The following IPO11 variants were observed in gnomAD, a reference collection of about 807,000 sequenced individuals.
The protein encoded by IPO11 is importin 11.
A neutral mutation model predicts 143.2 loss-of-function variants in IPO11; 66 were observed. The ratio of observed to expected loss-of-function variants is 0.46; its 90% CI spans 0.38 to 0.57. The LOEUF is 0.57. IPO11 is among the 20% of genes least tolerant of loss of function. IPO11 has a pLI of 0.00. For synonymous variants in IPO11, 385 were observed against 377.8 expected (o/e 1.02, Z -0.22); for missense variants, 1,026 against 1,141.0 (o/e 0.90, Z 1.45).
intron 1 of IPO11, among the ~76,000 whole-genome samples, chr5:62,418,293 G>A (rs1191530892): frequency 6.6e-6 from 1 of 152,042 alleles, no homozygotes; most frequent in Non-Finnish European, 1.5e-5. Context: ...AGCCTCCTGA[G>A]TAGCTGGGAT....
At chr5:62,580,979 C>T in intron 27 of IPO11, 3 of 1,551,144 alleles carry the variant, frequency 1.9e-6, no homozygotes, top group Non-Finnish European at 2.6e-6. Context: ...GGGAAAACAT[C>T]TCTAATTTGT....
chr5:62,536,445 T>TCA (rs1386698992), intron 22 of IPO11, among the ~76,000 whole-genome samples: 1,747 of 48,120 alleles, frequency 0.036, 27 homozygotes, highest in Admixed American at 0.092. Flanking sequence ...ATTCATTCAT[T>TCA]TATTCATTCA....
chr5:62,587,523 A>C (rs913298381), intron 27 of IPO11, among the ~76,000 whole-genome samples: 6 of 152,112 alleles, frequency 3.9e-5, no homozygotes, highest in Admixed American at 3.3e-4. Flanking sequence ...TTACATTTTT[A>C]AGTGAATAAG....
chr5:62,535,222 A>G (rs1207926064), intron 22 of IPO11, among the ~76,000 whole-genome samples: 2 of 151,876 alleles, frequency 1.3e-5, no homozygotes, highest in South Asian at 2.1e-4. Flanking sequence ...GTCTTCTTAA[A>G]TGTTGGTTTT....
chr5:62,532,834 A>T (rs1224474739), intron 22 of IPO11, among the ~76,000 whole-genome samples: 2 of 152,228 alleles, frequency 1.3e-5, no homozygotes, highest in African/African-American at 4.8e-5. Flanking sequence ...TTTAAAAATT[A>T]TCCTACCATT....
intron 20 of IPO11, among the ~76,000 whole-genome samples, chr5:62,521,883 A>G (rs1027666430): frequency 1.3e-5 from 2 of 151,896 alleles, no homozygotes; most frequent in Non-Finnish European, 2.9e-5. Context: ...TCTTTTGTAC[A>G]ACATTTTGTT....
At chr5:62,417,321 ATTTTTTTTTTTTT>A (rs34767317) in intron 1 of IPO11, among the ~76,000 whole-genome samples, 1 of 65,354 alleles carries the variant, frequency 1.5e-5, no homozygotes, top group Middle Eastern at 0.012. Context: ...TTATTGGTTA[ATTTTTTTTTTTTT>A]TTTTTTTTTT....
chr5:62,581,410 A>G lies in IPO11; in HGVS notation c.2583-10167A>G, dbSNP rs1744556235. 4 of 888,468 alleles carry G rather than the reference A, an allele frequency of 4.5e-6. No individual in the cohort carries two copies. The South Asian group carries it at 8.5e-5, about 19-fold the overall frequency. 55.0% of individuals were successfully genotyped at this position (888,468 alleles called of 1,614,324 possible). A position where few individuals can be genotyped will look rare whatever the true frequency, so the allele number is the denominator to read the frequency against. The stretch of plus-strand genomic sequence containing the variant: ...ACTTTAGTTGGAAATATAATGAATT[A>G]TATGAGGTTAGCATTATTAAAATAT... On this transcript the variant is annotated intron_variant, in intron 27 of 29. Transcript: ENST00000325324.
At chr5:62,482,327 A>G (rs1045938083) in intron 9 of IPO11, among the ~76,000 whole-genome samples, 4 of 152,102 alleles carry the variant, frequency 2.6e-5, no homozygotes, top group Non-Finnish European at 4.4e-5. Context: ...GCCTTCTGCT[A>G]GCTTTGGAAT....
chr5:62,513,073 A>G (rs1741823427), intron 19 of IPO11, among the ~76,000 whole-genome samples: 4 of 149,854 alleles, frequency 2.7e-5, no homozygotes. Context: ...CATCGTCATC[A>G]TGGCCCATTC....
At chr5:62,483,818 C>T (rs1034370541) in intron 10 of IPO11, among the ~76,000 whole-genome samples, 192 bp from the exon 11 acceptor site, 23 of 151,682 alleles carry the variant, frequency 1.5e-4, no homozygotes, top group Non-Finnish European at 2.4e-4. Context: ...AGCTGTAATG[C>T]CAGAGGCAAG....
At chr5:62,546,940 A>T (rs1743220968) in intron 24 of IPO11, among the ~76,000 whole-genome samples, 1 of 152,140 alleles carries the variant, frequency 6.6e-6, no homozygotes, top group African/African-American at 2.4e-5. Flanking sequence ...GTGAAACTAG[A>T]TCTGTCAGGA....
At chr5:62,598,901 A>AT (rs905397674) in intron 28 of IPO11, among the ~76,000 whole-genome samples, 27 of 152,202 alleles carry the variant, frequency 1.8e-4, no homozygotes, top group African/African-American at 6.3e-4. Flanking sequence ...CCATAAAAAA[A>AT]ATCATTATTA....
chr5:62,511,038 T>C (rs546759563), intron 19 of IPO11, among the ~76,000 whole-genome samples: 14 of 152,254 alleles, frequency 9.2e-5, no homozygotes, highest in Admixed American at 9.2e-4. Context: ...CTGGCCTCTA[T>C]GATTGATTTT....
At chr5:62,562,478 A>G (rs570293041) in intron 27 of IPO11, among the ~76,000 whole-genome samples, 10 of 152,284 alleles carry the variant, frequency 6.6e-5, no homozygotes, top group African/African-American at 2.2e-4. Context: ...GCAGTGTGCA[A>G]CCTACATCCC....
At chr5:62,552,742 G>T (rs1336755186) in intron 26 of IPO11, among the ~76,000 whole-genome samples, 1 of 152,064 alleles carries the variant, frequency 6.6e-6, no homozygotes, top group Admixed American at 6.6e-5. Context: ...TTCTTCCCTT[G>T]CATTAGTTCA....
chr5:62,490,313 A>T (rs1746559568), intron 15 of IPO11, 93 bp downstream of exon 15: 1 of 721,504 alleles, frequency 1.4e-6, no homozygotes, highest in Non-Finnish European at 2.1e-6. Flanking sequence ...CTTACAATTT[A>T]AAAAATGCAA....
rs373169352 is a variant in IPO11, at chr5:62,449,977, A to G, written c.290A>G (p.Asn97Ser). 1.9e-6 allele frequency: 3 copies of G among 1,599,216 alleles called. No individual in the cohort carries two copies. The highest frequency in any genetic ancestry group is 1.7e-5 in the Admixed American group (1 of 57,354). ...ACTCTGCGTGCAGGGCTCATCACCA[A>G]CTTCAATGAACCAATAAACCAGGTT... ...KTTLRAGLIT[N>S]FNEPINQIAT... is the part of the protein sequence containing the mutation. Residue 97 changes from asparagine to serine, a missense_variant, in exon 4 of 30, where the codon AAC becomes AGC. Transcript: ENST00000325324.
chr5:62,594,502 C>T (rs1433328362), intron 28 of IPO11, among the ~76,000 whole-genome samples: 1 of 152,188 alleles, frequency 6.6e-6, no homozygotes, highest in Admixed American at 6.5e-5. Context: ...TTTATTCAGG[C>T]TTTCAGTGGA....
Sources: allele counts gnomAD v4.1 joint callset (sites outside exome capture counted in the v4.1 genomes callset), GRCh38; gene constraint gnomAD v4.1.1; transcripts MANE v1.5; gene names NCBI Gene and HGNC (gene_info 2026-07-23, HGNC 2026-07-21).